Variants in RUNX1T1 observed in about 807,000 individuals in gnomAD.
The protein encoded by RUNX1T1 is RUNX1 partner transcriptional co-repressor 1.
RUNX1T1 carries 4 observed loss-of-function variants against 62.8 expected under a neutral mutation model. That is an observed-to-expected ratio of 0.06 (90% CI 0.03 to 0.15). RUNX1T1 has a LOEUF of 0.15. RUNX1T1 is among the 10% of genes least tolerant of loss of function. The pLI is 1.00. For missense variants in RUNX1T1, 508 were observed against 754.3 expected (o/e 0.67, Z 3.82); for synonymous variants, 291 against 286.0 (o/e 1.02, Z -0.18).
chr8:92,081,062 T>C (rs1835182758), intron 1 of RUNX1T1, among the ~76,000 whole-genome samples: 1 of 152,212 alleles, frequency 6.6e-6, no homozygotes, highest in African/African-American at 2.4e-5. Flanking sequence ...AAGCCCACTG[T>C]ATACGCACTC....
In RUNX1T1 at chr8:91,984,142, T is replaced by C. The variant is rs116502583; in HGVS notation, c.1198+1982A>G. 4.9e-3 allele frequency among the ~76,000 whole-genome samples: 748 copies of C among 152,268 alleles called. 6 individuals carry two copies. The highest frequency in any genetic ancestry group is 0.017 in the African/African-American group (716 of 41,554). On this transcript the variant is annotated intron_variant, in intron 8 of 10. Coordinates refer to ENST00000396218, the Ensembl canonical transcript of RUNX1T1. ...AACAAAAATATAAATCCATTGAACATCACTAAAAAATAGTATAGTTTGTAT... is the reference window on the plus strand; with the variant it reads ...AACAAAAATATAAATCCATTGAACACCACTAAAAAATAGTATAGTTTGTAT...
At chr8:92,030,163 T>A (rs1381780860) in intron 1 of RUNX1T1, among the ~76,000 whole-genome samples, 3 of 152,144 alleles carry the variant, frequency 2.0e-5, no homozygotes, top group Non-Finnish European at 4.4e-5. Flanking sequence ...CAAATTCACT[T>A]ACTCAAGGAA....
chr8:92,029,038 T>C (rs972958898), intron 1 of RUNX1T1, among the ~76,000 whole-genome samples: 1 of 152,182 alleles, frequency 6.6e-6, no homozygotes, highest in African/African-American at 2.4e-5. Flanking sequence ...AGACACTCAG[T>C]AGAGTCAGTT....
At chr8:92,031,897 G>A (rs1208050149) in intron 1 of RUNX1T1, among the ~76,000 whole-genome samples, 1 of 151,666 alleles carries the variant, frequency 6.6e-6, no homozygotes, top group African/African-American at 2.4e-5. Context: ...TTCGAGAACA[G>A]CCTGGCCAAC....
chr8:92,055,431 C>T (rs1168237789), intron 1 of RUNX1T1, among the ~76,000 whole-genome samples: 2 of 152,002 alleles, frequency 1.3e-5, no homozygotes, highest in Admixed American at 6.6e-5. Flanking sequence ...AGGCACTTCG[C>T]GTTTGTATTA....
intron 1 of RUNX1T1, among the ~76,000 whole-genome samples, chr8:92,046,932 G>A (rs1829500432): frequency 6.6e-6 from 1 of 152,198 alleles, no homozygotes; most frequent in Non-Finnish European, 1.5e-5. Flanking sequence ...AATGACGGGA[G>A]TAACCATGAG....
intron 2 of RUNX1T1, among the ~76,000 whole-genome samples, chr8:92,068,323 C>A (rs1330969522): frequency 6.6e-6 from 1 of 152,152 alleles, no homozygotes; most frequent in East Asian, 1.9e-4. Context: ...AATGTCACCA[C>A]CTCCTCATCT....
chr8:92,049,852 T>C lies in RUNX1T1; in HGVS notation c.7+12694A>G, dbSNP rs144780738. Among the ~76,000 whole-genome samples the C allele has an allele frequency of 9.0e-3, 1,371 of 152,320 alleles. 28 individuals carry two copies. The highest frequency in any genetic ancestry group is 0.031 in the African/African-American group (1,295 of 41,580). ...TAGACTATGAAAATAGTTGAAGGAC[T>C]GTTCTTGCTATTAAGTGCATAATTT... On this transcript the variant is annotated intron_variant, in intron 1 of 10. Transcript: ENST00000396218.
downstream of RUNX1T1, chr8:91,957,132 A>G (rs1468696202): frequency 4.6e-6 from 1 of 215,796 alleles, no homozygotes; most frequent in African/African-American, 2.3e-5. Flanking sequence ...TCCAATGAAG[A>G]TAACTTTTTC....
At chr8:92,031,587 G>A (rs1337777020) in intron 1 of RUNX1T1, among the ~76,000 whole-genome samples, 1 of 152,048 alleles carries the variant, frequency 6.6e-6, no homozygotes, top group Non-Finnish European at 1.5e-5. Flanking sequence ...TCCTCCTTTA[G>A]CCTCTGGAGT....
intron 4 of RUNX1T1, 56 bp downstream of exon 5, chr8:92,010,946 T>C (rs745465213): frequency 1.5e-5 from 15 of 973,892 alleles, no homozygotes; most frequent in Middle Eastern, 4.2e-4. Context: ...CACACAGTTA[T>C]GACCTAGCAA....
At chr8:92,016,057 C>T (rs981225107) in intron 2 of RUNX1T1, among the ~76,000 whole-genome samples, 5 of 152,144 alleles carry the variant, frequency 3.3e-5, no homozygotes, top group Admixed American at 3.3e-4. Context: ...CCTTATAGTC[C>T]CAAAGATCTA....
chr8:92,010,916 C>A (rs1046171154), intron 4 of RUNX1T1, 86 bp downstream of exon 5: 3 of 721,932 alleles, frequency 4.2e-6, no homozygotes, highest in Admixed American at 2.1e-5. Flanking sequence ...ATCAAAGAGC[C>A]CCTAAATGTA....
rs77735830 is a variant in RUNX1T1, at chr8:92,040,323, T to C, written c.7+22223A>G. On this transcript the variant is annotated intron_variant, in intron 1 of 10. Coordinates refer to ENST00000396218, the Ensembl canonical transcript of RUNX1T1. The stretch of plus-strand genomic sequence containing the variant: ...AACTTAGCATCACTTATTACAACTA[T>C]TATATTTGCAGGTGTGTGTCCCGTG... Among the ~76,000 whole-genome samples, 1,092 of 152,260 alleles carry C rather than the reference T, an allele frequency of 7.2e-3. 14 individuals are homozygous for C. Among genetic ancestry groups the C allele is most frequent in the African/African-American group, 0.025 (1,018 of 41,538 alleles).
intron 9 of RUNX1T1, among the ~76,000 whole-genome samples, chr8:91,975,172 T>A (rs548250116): frequency 9.9e-5 from 15 of 152,128 alleles, no homozygotes; most frequent in Non-Finnish European, 2.1e-4. Flanking sequence ...TTCATAAAGG[T>A]TTTTGCTTGC....
At chr8:92,009,034 A>C (rs1821419974) in intron 4 of RUNX1T1, among the ~76,000 whole-genome samples, 1 of 152,188 alleles carries the variant, frequency 6.6e-6, no homozygotes, top group Admixed American at 6.5e-5. Context: ...CACACAGCTG[A>C]GTGACTAATG....
rs1022555154 is a variant in RUNX1T1, at chr8:91,994,715, A to G, written c.660-2826T>C. On this transcript the variant is annotated intron_variant, in intron 5 of 10. Transcript: ENST00000396218. Reference sequence around the variant, plus strand: ...AGGCAATGAAGAACTTTTCCCCAAAACAATCAAGATTCTCAAGATTTAAAG... The same window carrying G: ...AGGCAATGAAGAACTTTTCCCCAAAGCAATCAAGATTCTCAAGATTTAAAG... 7.1e-6 allele frequency: 3 copies of G among 421,104 alleles called. No individual in the cohort carries two copies. The Admixed American group carries it at 8.6e-5, about 12-fold the overall frequency. The allele number at this position is 421,104 out of a possible 1,614,324, so 26.1% of individuals were successfully genotyped here. A position where few individuals can be genotyped will look rare whatever the true frequency, so the allele number is the denominator to read the frequency against.
chr8:92,051,063 C>CT lies in RUNX1T1; in HGVS notation c.7+11482dup, dbSNP rs200249791. ...CCCACCTAGTAAGTCACTCTCCAGC[C>CT]TTTTTTTTTATTGTACTTATCCCTA... On this transcript the variant is annotated intron_variant, in intron 1 of 10. Coordinates refer to ENST00000396218, the Ensembl canonical transcript of RUNX1T1. Among the ~76,000 whole-genome samples the CT allele has an allele frequency of 3.2e-4, 49 of 151,328 alleles. No homozygotes were observed. In the Middle Eastern group the frequency reaches 0.017, roughly 53 times the overall value.
At chr8:91,974,721 TA>T (rs1813550732) in intron 9 of RUNX1T1, among the ~76,000 whole-genome samples, 1 of 152,202 alleles carries the variant, frequency 6.6e-6, no homozygotes, top group Non-Finnish European at 1.5e-5. Context: ...ATATGTATTT[TA>T]ACCTTTAAGC....
Sources: gnomAD v4.1 joint callset for allele counts (sites outside exome capture counted in the v4.1 genomes callset) on GRCh38, gnomAD v4.1.1 for gene constraint, MANE v1.5 for transcripts, NCBI Gene and HGNC (gene_info 2026-07-23, HGNC 2026-07-21) for gene names.